CFAP95: variants seen among roughly 807,000 people sequenced by gnomAD.
CFAP95 encodes cilia- and flagella-associated protein 95.
At chr9:69,841,899 T>A in the CFAP95 span, among the ~76,000 whole-genome samples, 1 of 152,070 alleles carries the variant, frequency 6.6e-6, no homozygotes, top group African/African-American at 2.4e-5. Flanking sequence ...TCCCACAGGG[T>A]GTCTCCCATG....
the CFAP95 span, among the ~76,000 whole-genome samples, chr9:69,899,737 AG>A: frequency 3.3e-5 from 5 of 152,218 alleles, no homozygotes; most frequent in African/African-American, 9.6e-5. Context: ...GGGACATGCT[AG>A]GCAGAGGCTG....
the CFAP95 span, among the ~76,000 whole-genome samples, chr9:69,891,945 T>C: frequency 1.2e-4 from 18 of 152,220 alleles, no homozygotes; most frequent in Non-Finnish European, 2.4e-4. Context: ...ACCAATTTTC[T>C]GTATAACAGC....
the CFAP95 span, among the ~76,000 whole-genome samples, chr9:69,836,821 C>T: frequency 6.7e-6 from 1 of 150,144 alleles, no homozygotes; most frequent in African/African-American, 2.5e-5. Context: ...TGCTGGTGCG[C>T]TGCACTCACT....
chr9:69,899,175 G>T, the CFAP95 span, among the ~76,000 whole-genome samples: 1 of 152,226 alleles, frequency 6.6e-6, no homozygotes, highest in Admixed American at 6.5e-5. Context: ...CTCTGTGTGT[G>T]TAGCACCGAA....
chr9:69,871,956 A>G, the CFAP95 span, among the ~76,000 whole-genome samples: 5 of 152,206 alleles, frequency 3.3e-5, no homozygotes, highest in East Asian at 1.9e-4. Flanking sequence ...ATGAGCATTT[A>G]CTATGTGTCT....
chr9:69,879,296 C>G, the CFAP95 span, among the ~76,000 whole-genome samples: 1 of 151,996 alleles, frequency 6.6e-6, no homozygotes, highest in Non-Finnish European at 1.5e-5. Flanking sequence ...ATTCAATTTC[C>G]TTTGGTTAAT....
the CFAP95 span, among the ~76,000 whole-genome samples, chr9:69,849,965 A>G: frequency 1.3e-5 from 2 of 152,310 alleles, no homozygotes; most frequent in African/African-American, 4.8e-5. Context: ...AAAATCATCA[A>G]GAGTATGTCT....
chr9:69,867,972 T>G, the CFAP95 span, among the ~76,000 whole-genome samples: 2 of 152,194 alleles, frequency 1.3e-5, no homozygotes, highest in African/African-American at 4.8e-5. Context: ...ATAAAATAGT[T>G]GTTATTTTAA....
chr9:69,877,163 G>A, the CFAP95 span, among the ~76,000 whole-genome samples: 5 of 152,036 alleles, frequency 3.3e-5, no homozygotes, highest in Non-Finnish European at 5.9e-5. Context: ...AAGACTAAAG[G>A]TTTAGCCCAG....
At chr9:69,832,620 ATTTTTTTTTTTTT>A in the CFAP95 span, among the ~76,000 whole-genome samples, 1 of 11,344 alleles carries the variant, frequency 8.8e-5, no homozygotes, top group Non-Finnish European at 1.3e-4. Flanking sequence ...GTCTATTCGG[ATTTTTTTTTTTTT>A]TTTTTTTTTT....
At chr9:69,844,326 G>A in the CFAP95 span, among the ~76,000 whole-genome samples, 1 of 152,046 alleles carries the variant, frequency 6.6e-6, no homozygotes, top group South Asian at 2.1e-4. Context: ...ACTTATGCTA[G>A]GTTGCTTTTA....
At chr9:69,849,037 C>T in the CFAP95 span, among the ~76,000 whole-genome samples, 1 of 152,178 alleles carries the variant, frequency 6.6e-6, no homozygotes, top group Non-Finnish European at 1.5e-5. Context: ...AAGCCAGTTG[C>T]CCTTTTGTAT....
At chr9:69,846,256 T>C in the CFAP95 span, among the ~76,000 whole-genome samples, 2 of 152,108 alleles carry the variant, frequency 1.3e-5, no homozygotes, top group Admixed American at 1.3e-4. Flanking sequence ...GGATATGAGG[T>C]ATAGGAACCA....
the CFAP95 span, among the ~76,000 whole-genome samples, chr9:69,856,955 A>G: frequency 7.4e-6 from 1 of 135,260 alleles, no homozygotes; most frequent in African/African-American, 2.8e-5. Context: ...CAAGGTTCTG[A>G]CTATCCAGGT....
chr9:69,867,686 A>C, the CFAP95 span, among the ~76,000 whole-genome samples: 4 of 152,224 alleles, frequency 2.6e-5, no homozygotes, highest in Non-Finnish European at 4.4e-5. Context: ...TAAGAAAAAT[A>C]GTAGTTTCTA....
the CFAP95 span, among the ~76,000 whole-genome samples, chr9:69,843,552 CTCCTCCTTCTTCT>C: frequency 8.8e-3 from 225 of 25,472 alleles, 23 homozygotes; most frequent in South Asian, 0.035. Flanking sequence ...CCTCCTCCTC[CTCCTCCTTCTTCT>C]TCTTCTTCTT....
chr9:69,840,425 C>T, the CFAP95 span, among the ~76,000 whole-genome samples: 2 of 152,130 alleles, frequency 1.3e-5, no homozygotes, highest in African/African-American at 2.4e-5. Flanking sequence ...ATTATCATTA[C>T]ACTTAATAAT....
At chr9:69,902,762 C>A in the CFAP95 span, among the ~76,000 whole-genome samples, 1 of 151,398 alleles carries the variant, frequency 6.6e-6, no homozygotes, top group African/African-American at 2.4e-5. Flanking sequence ...AATAATTATA[C>A]CCTCTAGGTT....
the CFAP95 span, chr9:69,844,602 C>T: frequency 1.2e-5 from 20 of 1,612,050 alleles, no homozygotes; most frequent in Admixed American, 1.5e-4. Flanking sequence ...AACATATCGG[C>T]GACTGGGAAC....
Sources: allele counts gnomAD v4.1 joint callset (sites outside exome capture counted in the v4.1 genomes callset), GRCh38; gene constraint gnomAD v4.1.1; transcripts MANE v1.5; gene names NCBI Gene and HGNC (gene_info 2026-07-23, HGNC 2026-07-21).